Variants in ACOT11 observed in about 807,000 individuals in gnomAD.
ACOT11 encodes the protein acyl-CoA thioesterase 11, also known as acyl-coenzyme A thioesterase 11.
In ACOT11, 69 loss-of-function variants were observed where a neutral mutation model predicts 77.5. That is an observed-to-expected ratio of 0.89 (90% confidence interval 0.73 to 1.09). The LOEUF (loss-of-function observed/expected upper bound fraction) is 1.09, where lower values mean the gene tolerates loss of function less well. Ranked by LOEUF, ACOT11 falls within the 50% of genes least tolerant of loss-of-function variation. The probability of loss-of-function intolerance (pLI) is 0.00; values close to 1 mark genes in which losing one functional copy is unlikely to be tolerated. For missense variants in ACOT11, 766 were observed against 813.7 expected, an observed-to-expected ratio of 0.94 and a Z score of 0.71; for synonymous variants, 279 against 313.0, an observed-to-expected ratio of 0.89 and a Z score of 1.15.
chr1:54,617,709 ATTTTTT>A (rs56229276), intron 15 of ACOT11, among the ~76,000 whole-genome samples: 9 of 55,762 alleles, frequency 1.6e-4, no homozygotes, highest in African/African-American at 4.4e-4. Context: ...AGGGCCTGAG[ATTTTTT>A]TTTTTTTTTT....
At chr1:54,582,404 A>G (rs955120347) in intron 1 of ACOT11, 1 of 984,262 alleles carries the variant, frequency 1.0e-6, no homozygotes, top group Non-Finnish European at 1.2e-6. Flanking sequence ...TCTAGGCCCA[A>G]TTTGTCTTTG....
chr1:54,599,392 C>A lies in ACOT11; in HGVS notation c.861C>A (p.Ile287=). Residue 287 remains isoleucine (I), a synonymous_variant, in exon 8 of 16, where the codon ATC becomes ATA. Transcript: ENST00000343744. ...QVGDRLVLKA[I]VNNAFKHSME... ...GCGACCGTCTGGTGCTCAAAGCCAT[C>A]GTGAACAATGCCTTCAAACATAGGT... The A allele has an allele frequency of 1.0e-5, 16 of 1,606,458 alleles. No individual in the cohort carries two copies. Among genetic ancestry groups the A allele is most frequent in the Non-Finnish European group, 1.3e-5 (15 of 1,176,280 alleles).
In ACOT11 at chr1:54,577,889, C is replaced by G. The variant is rs1020824147; in HGVS notation, c.34-6766C>G. Among the ~76,000 whole-genome samples the G allele has an allele frequency of 2.0e-5, 3 of 152,200 alleles. 1 individual carries two copies. The highest frequency in any genetic ancestry group is 2.0e-4 in the Admixed American group (3 of 15,280). ...GTGCGCTGCCCCATGCAGCTCTGGT[C>G]CTGTTCCTCCTTCCAAGTTTTTCAG... On this transcript the variant is annotated intron_variant, in intron 1 of 15. Coordinates refer to ENST00000343744, the MANE Select transcript of ACOT11 (RefSeq NM_147161.4).
rs139676619 is a variant in ACOT11, at chr1:54,598,348, T to C, written c.764+933T>C. ...CAAGGTGTAAAAGTTGGAAGGAAAATGGGAAAGGGGTTTACCCAAAGCCCT... is the reference window on the plus strand; with the variant it reads ...CAAGGTGTAAAAGTTGGAAGGAAAACGGGAAAGGGGTTTACCCAAAGCCCT... On this transcript the variant is annotated intron_variant, in intron 7 of 15. Transcript: ENST00000343744. 1,475 of 152,346 alleles carry C rather than the reference T, an allele frequency of 9.7e-3. 12 individuals carry two copies. Among genetic ancestry groups the C allele is most frequent in the Non-Finnish European group, 0.016 (1,066 of 68,074 alleles). The allele number at this position is 152,346 out of a possible 1,614,324, so 9.4% of individuals were successfully genotyped here. A position where few individuals can be genotyped will look rare whatever the true frequency, so the allele number is the denominator to read the frequency against.
Position 54,609,213 on chromosome 1 carries a change from C to A in ACOT11, c.*101C>A. 1.9e-6 allele frequency: 3 copies of A among 1,590,272 alleles called. No individual in the cohort carries two copies. Among genetic ancestry groups the A allele is most frequent in the South Asian group, 1.2e-5 (1 of 86,880 alleles). Reference sequence around the variant, plus strand: ...AGCCAAAGACCTTTATTTCTTCCTGCCTCCCCGTGGGAAGCCTCCGCCCTG... The same window carrying A: ...AGCCAAAGACCTTTATTTCTTCCTGACTCCCCGTGGGAAGCCTCCGCCCTG... On this transcript the variant is annotated 3_prime_UTR_variant, in exon 16 of 16. Coordinates refer to ENST00000343744, the MANE Select transcript of ACOT11 (RefSeq NM_147161.4).
At chr1:54,563,893 C>T (rs422721) in intron 1 of ACOT11, among the ~76,000 whole-genome samples, 10,522 of 151,800 alleles carry the variant, frequency 0.069, 476 homozygotes, top group African/African-American at 0.21. Context: ...TGGTGAAACC[C>T]CATCTCCACT....
At chr1:54,634,410 G>A (rs951159361) in intron 16 of ACOT11, among the ~76,000 whole-genome samples, 3 of 152,156 alleles carry the variant, frequency 2.0e-5, no homozygotes, top group African/African-American at 7.2e-5. Context: ...AGCTTGTAGC[G>A]GTAATTGAGG....
At position 54,607,224 on chromosome 1, in the gene ACOT11, C is replaced by G; in HGVS notation, c.1461C>G (p.Asp487Glu). 2 of 1,614,204 alleles carry G rather than the reference C, an allele frequency of 1.2e-6. No homozygotes were observed. The highest frequency in any genetic ancestry group is 1.7e-6 in the Non-Finnish European group (2 of 1,180,038). Residue 487 changes from aspartate (D) to glutamate (E), a missense_variant, in exon 14 of 16, where the codon GAC becomes GAG. Transcript: ENST00000343744. The surrounding 1 kb of genome is among the most constrained non-coding windows in gnomAD (Gnocchi z 4.5). Reference protein sequence around the residue: ...PALGGHTKPQDFVILASRRKP... With the variant: ...PALGGHTKPQEFVILASRRKP... Reference sequence around the variant, plus strand: ...TCGGAGGTCACACAAAGCCCCAGGACTTCGTGATCCTGGCCTCGAGGCGGA... The same window carrying G: ...TCGGAGGTCACACAAAGCCCCAGGAGTTCGTGATCCTGGCCTCGAGGCGGA...
downstream of ACOT11, chr1:54,610,808 T>C: frequency 1.0e-6 from 1 of 984,798 alleles, no homozygotes; most frequent in African/African-American, 1.7e-5. Flanking sequence ...GCTGGTATCC[T>C]TCCCGCTCGC....
Position 54,588,198 on chromosome 1 carries a change from C to T in ACOT11, c.311+2294C>T, listed in dbSNP as rs115053560. 8.7e-3 allele frequency among the ~76,000 whole-genome samples: 1,324 copies of T among 151,960 alleles called. 16 individuals carry two copies. The highest frequency in any genetic ancestry group is 0.03 in the African/African-American group (1,254 of 41,442). On this transcript the variant is annotated intron_variant, in intron 3 of 15. Coordinates refer to ENST00000343744, the MANE Select transcript of ACOT11 (RefSeq NM_147161.4). ...CAACCTGGGTGACACAGTGAGATCC[C>T]GTCTCAGGATAAATAAAAAAATAAA...
intron 1 of ACOT11, among the ~76,000 whole-genome samples, chr1:54,563,661 G>T (rs1170018342): frequency 6.6e-6 from 1 of 152,160 alleles, no homozygotes; most frequent in Non-Finnish European, 1.5e-5. Context: ...AGTGGCTCAT[G>T]CCTGTAGTCC....
intron 1 of ACOT11, among the ~76,000 whole-genome samples, chr1:54,571,880 G>A (rs899120510): frequency 1.3e-5 from 2 of 152,144 alleles, no homozygotes; most frequent in Non-Finnish European, 2.9e-5. Flanking sequence ...GGAGCTGGGA[G>A]AAGGGGCCCC....
chr1:54,633,453 G>A (rs930320948), intron 16 of ACOT11, among the ~76,000 whole-genome samples: 2 of 152,140 alleles, frequency 1.3e-5, no homozygotes, highest in African/African-American at 4.8e-5. Context: ...CAAAAAATTG[G>A]CCTTTTAATA....
At chr1:54,594,825 C>G in intron 6 of ACOT11, 134 bp downstream of exon 6, 1 of 1,278,810 alleles carries the variant, frequency 7.8e-7, no homozygotes, top group Non-Finnish European at 1.0e-6. Context: ...TGGGCCTCTC[C>G]TAGCCCTCTT....
chr1:54,632,778 T>G (rs757731133), intron 16 of ACOT11, among the ~76,000 whole-genome samples: 4 of 152,220 alleles, frequency 2.6e-5, no homozygotes, highest in Non-Finnish European at 5.9e-5. Flanking sequence ...GCACTGGCTG[T>G]CTGCGTGGCC....
intron 1 of ACOT11, chr1:54,548,718 C>A: frequency 3.7e-6 from 1 of 270,722 alleles, no homozygotes; most frequent in South Asian, 5.6e-5. Context: ...CTCAGGACCC[C>A]AAAGCCACAA....
intron 15 of ACOT11, among the ~76,000 whole-genome samples, chr1:54,626,117 G>A (rs2101030890): frequency 6.6e-6 from 1 of 151,762 alleles, no homozygotes; most frequent in Admixed American, 6.6e-5. Context: ...AAAATTAGCT[G>A]GGCATAGTGG....
At chr1:54,576,100 G>T (rs1654105638) in intron 1 of ACOT11, among the ~76,000 whole-genome samples, 1 of 152,178 alleles carries the variant, frequency 6.6e-6, no homozygotes, top group Non-Finnish European at 1.5e-5. Flanking sequence ...GAATTTGAAG[G>T]AGCTGGGGGT....
chr1:54,561,091 AT>A (rs952566582), intron 1 of ACOT11, among the ~76,000 whole-genome samples: 2 of 136,198 alleles, frequency 1.5e-5, no homozygotes, highest in African/African-American at 2.8e-5. Flanking sequence ...TATTTTTTTT[AT>A]TTTTTTTTAT....
Sources: gnomAD v4.1 joint callset for allele counts (sites outside exome capture counted in the v4.1 genomes callset) on GRCh38, gnomAD v4.1.1 for gene constraint, Gnocchi (gnomAD v3.1) non-coding constraint, MANE v1.5 for transcripts, NCBI Gene and HGNC (gene_info 2026-07-23, HGNC 2026-07-21) for gene names.